The following SBF2 variants were observed in gnomAD, a reference collection of about 807,000 sequenced individuals.
SBF2 encodes the protein myotubularin-related protein 13.
In SBF2, 112 loss-of-function variants were observed where a neutral mutation model predicts 225.2. The ratio of observed to expected loss-of-function variants is 0.50; its 90% CI spans 0.43 to 0.58. The LOEUF is 0.58. Ranked by LOEUF, SBF2 falls within the 20% of genes least tolerant of loss-of-function variation. The probability of loss-of-function intolerance (pLI) is 0.00; values close to 1 mark genes in which losing one functional copy is unlikely to be tolerated. For synonymous variants in SBF2, 763 were observed against 773.3 expected, an observed-to-expected ratio of 0.99 and a Z score of 0.22; for missense variants, 1,996 against 2,206.2, an observed-to-expected ratio of 0.90 and a Z score of 1.91.
intron 1 of SBF2, among the ~76,000 whole-genome samples, chr11:10,246,429 G>T (rs572970791): frequency 2.0e-5 from 3 of 152,032 alleles, no homozygotes; most frequent in African/African-American, 7.2e-5. Flanking sequence ...GGTTACAAGC[G>T]TTTGCCACCA....
At chr11:10,210,004 A>C (rs760803440) in intron 1 of SBF2, among the ~76,000 whole-genome samples, 2 of 152,222 alleles carry the variant, frequency 1.3e-5, no homozygotes, top group Admixed American at 6.5e-5. Context: ...TCAAGTAGAA[A>C]TCAAGAAGGA....
At chr11:9,980,291 A>T (rs1365806035) in intron 13 of SBF2, among the ~76,000 whole-genome samples, 2 of 98,918 alleles carry the variant, frequency 2.0e-5, no homozygotes, top group South Asian at 3.5e-4. Flanking sequence ...CTTGTAATTA[A>T]AAAAAAAAAA....
intron 2 of SBF2, among the ~76,000 whole-genome samples, chr11:10,058,640 C>A (rs1009739110): frequency 2.6e-5 from 4 of 152,108 alleles, no homozygotes; most frequent in African/African-American, 4.8e-5. Context: ...AGAGGCCAAT[C>A]AGTCAAATTA....
At position 9,812,414 on chromosome 11, in the gene SBF2, G is replaced by A. The variant is rs917665794; in HGVS notation, c.4155+118C>T. The A allele has an allele frequency of 4.8e-6, 5 of 1,051,664 alleles. No homozygotes were observed. The African/African-American group carries it at 7.9e-5, about 17-fold the overall frequency. 65.1% of individuals were successfully genotyped at this position (1,051,664 alleles called of 1,614,324 possible). A position where few individuals can be genotyped will look rare whatever the true frequency, so the allele number is the denominator to read the frequency against. ...CCTTTACTGATGGCACACAATGAAG[G>A]AGGAGAATGTTGGGGAGTAGGGGAA... On this transcript the variant is annotated intron_variant, in intron 30 of 39. Coordinates refer to ENST00000256190, the MANE Select transcript of SBF2 (RefSeq NM_030962.4).
chr11:10,290,285 A>C (rs915037125), intron 1 of SBF2, among the ~76,000 whole-genome samples: 2 of 152,036 alleles, frequency 1.3e-5, no homozygotes, highest in African/African-American at 4.8e-5. Context: ...GTAGGGGAAG[A>C]GGCAAACATT....
At chr11:9,950,122 C>T (rs1865774454) in intron 16 of SBF2, among the ~76,000 whole-genome samples, 1 of 151,548 alleles carries the variant, frequency 6.6e-6, no homozygotes, top group African/African-American at 2.4e-5. Flanking sequence ...ACTGGAGAAC[C>T]AGGAATGCTT....
At position 9,787,957 on chromosome 11, in the gene SBF2, T is replaced by G. The variant is rs1034099315; in HGVS notation, c.4933-219A>C. On this transcript the variant is annotated intron_variant, in intron 35 of 39. Coordinates refer to ENST00000256190, the MANE Select transcript of SBF2 (RefSeq NM_030962.4). ...GGCAAAGATGGTTTATTAGGACCTATAACTAGGCCTTTTTGTACAGGATAG... is the reference window on the plus strand; with the variant it reads ...GGCAAAGATGGTTTATTAGGACCTAGAACTAGGCCTTTTTGTACAGGATAG... 6 of 581,166 alleles carry G rather than the reference T, an allele frequency of 1.0e-5. No individual in the cohort carries two copies. The African/African-American group carries it at 1.1e-4, about 11-fold the overall frequency. 36.0% of individuals were successfully genotyped at this position (581,166 alleles called of 1,614,324 possible). A position where few individuals can be genotyped will look rare whatever the true frequency, so the allele number is the denominator to read the frequency against.
intron 33 of SBF2, 152 bp from the exon 34 acceptor site, chr11:9,790,835 A>G: frequency 1.7e-6 from 1 of 601,952 alleles, no homozygotes; most frequent in African/African-American, 1.9e-5. Flanking sequence ...AATAACTGCA[A>G]AGCTAAAGAC....
intron 1 of SBF2, among the ~76,000 whole-genome samples, chr11:10,196,436 G>C (rs759504060): frequency 6.6e-6 from 1 of 152,070 alleles, no homozygotes; most frequent in Non-Finnish European, 1.5e-5. Flanking sequence ...CTGGAGTTCA[G>C]TGGCACAATC....
At chr11:10,241,248 G>A (rs542170295) in intron 1 of SBF2, among the ~76,000 whole-genome samples, 15 of 152,272 alleles carry the variant, frequency 9.9e-5, no homozygotes, top group African/African-American at 2.9e-4. Flanking sequence ...AGCTACTTGG[G>A]GGGCTGAGGC....
chr11:9,796,104 G>C (rs915470427), intron 32 of SBF2, 147 bp from the exon 33 acceptor site: 53 of 820,656 alleles, frequency 6.5e-5, no homozygotes, highest in Non-Finnish European at 9.3e-5. Flanking sequence ...AGTAGAGATG[G>C]GAAGGGAACC....
chr11:10,001,919 C>G (rs1226882138), intron 7 of SBF2, among the ~76,000 whole-genome samples: 3 of 152,016 alleles, frequency 2.0e-5, no homozygotes, highest in Admixed American at 2.0e-4. Context: ...ATTGATTAAA[C>G]AGTATATTAG....
Position 10,245,011 on chromosome 11 carries a change from G to A in SBF2, c.55+49004C>T, listed in dbSNP as rs1434016945. 3.3e-5 allele frequency among the ~76,000 whole-genome samples: 5 copies of A among 151,438 alleles called. 1 individual carries two copies. The stretch of plus-strand genomic sequence containing the variant: ...TAGCTGGGTGTGGTGGCACACGCAG[G>A]TAGTCCTGGCCACTCAGGAGACTGA... On this transcript the variant is annotated intron_variant, in intron 1 of 39. Transcript: ENST00000256190.
chr11:9,866,144 T>C (rs1342029965), intron 17 of SBF2, among the ~76,000 whole-genome samples: 3 of 152,184 alleles, frequency 2.0e-5, no homozygotes, highest in Non-Finnish European at 2.9e-5. Context: ...AAGAAATTAT[T>C]TCATGCAAAT....
intron 2 of SBF2, among the ~76,000 whole-genome samples, chr11:10,193,512 G>T (rs568414419): frequency 6.6e-6 from 1 of 151,684 alleles, no homozygotes; most frequent in African/African-American, 2.4e-5. Context: ...CCGCCACCAC[G>T]CCCGGCTAAT....
intron 16 of SBF2, among the ~76,000 whole-genome samples, chr11:9,919,266 TCTTC>T (rs1863384538): frequency 9.9e-6 from 1 of 100,582 alleles, no homozygotes; most frequent in African/African-American, 4.4e-5. Context: ...TTCTTCTTCT[TCTTC>T]TTTTTTTTTT....
intron 1 of SBF2, among the ~76,000 whole-genome samples, chr11:10,201,138 C>T (rs1957555875): frequency 6.6e-6 from 1 of 152,120 alleles, no homozygotes; most frequent in Non-Finnish European, 1.5e-5. Flanking sequence ...ACTAGAAAAT[C>T]AGACTTTTGG....
At chr11:9,933,377 C>T (rs1195306717) in intron 16 of SBF2, among the ~76,000 whole-genome samples, 2 of 152,244 alleles carry the variant, frequency 1.3e-5, no homozygotes, top group Non-Finnish European at 2.9e-5. Context: ...CACCACATCA[C>T]ACTTATTCCA....
Position 9,856,542 on chromosome 11 carries a change from G to A in SBF2, c.2279C>T (p.Pro760Leu), listed in dbSNP as rs1387611025. ...FANLMVNLLV[P>L]LDTSKNKLLR... The stretch of plus-strand genomic sequence containing the variant: ...GAGCTTGTTTTTACTTGTGTCGAGT[G>A]GAACTAGCAGGTTCACCATGAGGTT... The change falls in exon 19 of 40, where the codon CCA becomes CTA. Residue 760 changes from proline to leucine, a missense_variant. Coordinates refer to ENST00000256190, the MANE Select transcript of SBF2 (RefSeq NM_030962.4). 1 of 1,614,110 alleles carries A rather than the reference G, an allele frequency of 6.2e-7. No individual in the cohort carries two copies. The highest frequency in any genetic ancestry group is 2.2e-5 in the East Asian group (1 of 44,876).
Sources: allele counts gnomAD v4.1 joint callset (sites outside exome capture counted in the v4.1 genomes callset), GRCh38; gene constraint gnomAD v4.1.1; transcripts MANE v1.5; gene names NCBI Gene and HGNC (gene_info 2026-07-23, HGNC 2026-07-21).